The following RPTOR variants were observed in gnomAD, a reference collection of about 807,000 sequenced individuals.
The protein encoded by RPTOR is regulatory associated protein of MTOR complex 1, also known as regulatory-associated protein of mTOR.
RPTOR carries 21 observed loss-of-function variants against 169.9 expected under a neutral mutation model. The observed-to-expected ratio is 0.12, with a 90% CI of 0.09 to 0.18. The LOEUF is 0.18. Ranked by LOEUF, RPTOR falls within the 10% of genes least tolerant of loss-of-function variation. RPTOR has a pLI of 1.00. For synonymous variants in RPTOR, 732 were observed against 753.2 expected (o/e 0.97, Z 0.46); for missense variants, 1,133 against 1,855.9 (o/e 0.61, Z 7.16).
intron 2 of RPTOR, among the ~76,000 whole-genome samples, chr17:80,636,738 C>T (rs543551219): frequency 4.6e-4 from 70 of 152,198 alleles, no homozygotes; most frequent in African/African-American, 1.7e-3. Context: ...GCCCCAGTAC[C>T]GCCACTCCAG....
intron 1 of RPTOR, among the ~76,000 whole-genome samples, chr17:80,604,106 C>G (rs1214976806): frequency 3.9e-5 from 6 of 152,230 alleles, no homozygotes; most frequent in Admixed American, 3.9e-4. Context: ...CTCTCAAACA[C>G]AGACGGGGGA....
intron 3 of RPTOR, among the ~76,000 whole-genome samples, chr17:80,693,525 A>G (rs2066010526): frequency 6.6e-6 from 1 of 152,278 alleles, no homozygotes. Flanking sequence ...ACTGAATAAT[A>G]CATAAAGGAA....
intron 13 of RPTOR, chr17:80,858,151 C>A (rs865853335): frequency 5.8e-6 from 3 of 513,634 alleles, no homozygotes; most frequent in Non-Finnish European, 7.1e-6. Context: ...CCCCCCACAC[C>A]GTCCTGTCCC....
At chr17:80,850,299 G>A (rs2143726482) in intron 11 of RPTOR, among the ~76,000 whole-genome samples, 2 of 152,306 alleles carry the variant, frequency 1.3e-5, no homozygotes. Context: ...TTATACATGA[G>A]AACATGCAAC....
intron 9 of RPTOR, among the ~76,000 whole-genome samples, chr17:80,834,842 C>A (rs932289110): frequency 4.6e-5 from 7 of 152,262 alleles, no homozygotes; most frequent in Admixed American, 6.5e-5. Flanking sequence ...CTGGTCTGCT[C>A]GGCCCACGGC....
chr17:80,908,665 A>G, intron 20 of RPTOR, 146 bp from the exon 21 acceptor site: 2 of 659,186 alleles, frequency 3.0e-6, no homozygotes, highest in South Asian at 3.6e-5. Flanking sequence ...CCGTTGCCAG[A>G]ATAACAAAAT....
intron 1 of RPTOR, 145 bp from the exon 2 acceptor site, chr17:80,625,546 G>C (rs945429308): frequency 3.0e-5 from 19 of 639,318 alleles, no homozygotes; most frequent in South Asian, 1.8e-4. Context: ...GGCTGGGGTA[G>C]CCAGGTGACA....
At chr17:80,667,105 C>T (rs1349770943) in intron 3 of RPTOR, among the ~76,000 whole-genome samples, 1 of 152,284 alleles carries the variant, frequency 6.6e-6, no homozygotes, top group African/African-American at 2.4e-5. Flanking sequence ...CCTTTCCCAG[C>T]GTGCCAGTGC....
chr17:80,663,832 CGT>C (rs988251874), intron 3 of RPTOR, among the ~76,000 whole-genome samples: 8 of 151,780 alleles, frequency 5.3e-5, no homozygotes, highest in Admixed American at 3.3e-4. Flanking sequence ...TGTGCGTGTG[CGT>C]GTGTGCAAGC....
At chr17:80,667,621 C>T (rs143189924) in intron 3 of RPTOR, among the ~76,000 whole-genome samples, 45 of 152,294 alleles carry the variant, frequency 3.0e-4, no homozygotes, top group Admixed American at 7.8e-4. Flanking sequence ...CCCTTCGCAC[C>T]CATGACCTTT....
At chr17:80,881,886 T>C (rs140515374) in intron 14 of RPTOR, among the ~76,000 whole-genome samples, 39 of 152,382 alleles carry the variant, frequency 2.6e-4, no homozygotes, top group African/African-American at 9.1e-4. Flanking sequence ...GCTATGATTC[T>C]GTCAAACCAT....
intron 27 of RPTOR, chr17:80,948,755 T>C (rs8082382): frequency 0.52 from 78,876 of 152,080 alleles, 21,613 homozygotes; most frequent in African/African-American, 0.71. Flanking sequence ...GGCCAGGGGG[T>C]GCGGATGTGG....
intron 3 of RPTOR, among the ~76,000 whole-genome samples, chr17:80,668,186 G>A (rs989504963): frequency 2.6e-5 from 4 of 152,172 alleles, no homozygotes; most frequent in African/African-American, 9.7e-5. Context: ...GCCTCCACTA[G>A]ACAAAGTTTA....
At chr17:80,916,907 G>A (rs1005742703) in intron 21 of RPTOR, among the ~76,000 whole-genome samples, 2 of 152,046 alleles carry the variant, frequency 1.3e-5, no homozygotes, top group African/African-American at 2.4e-5. Flanking sequence ...AGAATTGCTC[G>A]AACCCAGGAG....
intron 21 of RPTOR, among the ~76,000 whole-genome samples, chr17:80,911,067 G>A (rs899699756): frequency 3.3e-5 from 5 of 152,164 alleles, no homozygotes; most frequent in African/African-American, 4.8e-5. Flanking sequence ...TCTTGACCTC[G>A]TGATCCGCCT....
At chr17:80,910,550 G>A (rs1309377413) in intron 21 of RPTOR, among the ~76,000 whole-genome samples, 1 of 152,176 alleles carries the variant, frequency 6.6e-6, no homozygotes, top group Non-Finnish European at 1.5e-5. Context: ...CACGGCTATG[G>A]CGTTGCCTCG....
chr17:80,790,630 TCTC>T (rs2067038108), intron 6 of RPTOR, among the ~76,000 whole-genome samples: 1 of 152,140 alleles, frequency 6.6e-6, no homozygotes, highest in African/African-American at 2.4e-5. Context: ...CCACTGTCCT[TCTC>T]CATCACTCAC....
rs917410169 is a variant in RPTOR, at chr17:80,726,205, G to A, written c.508-4355G>A. On this transcript the variant is annotated intron_variant, in intron 4 of 33. Transcript: ENST00000306801. This position sits in a 1 kb window ranked among gnomAD's most constrained non-coding sequence, Gnocchi z 4.5. Reference sequence around the variant, plus strand: ...GGCGCAGCATCCCAGTGGCTGTTACGGGGTGAAAGCCCCTCTTAGAATTTA... The same window carrying A: ...GGCGCAGCATCCCAGTGGCTGTTACAGGGTGAAAGCCCCTCTTAGAATTTA... Among the ~76,000 whole-genome samples the A allele has an allele frequency of 1.2e-4, 18 of 152,176 alleles. 1 individual carries two copies. The highest frequency in any genetic ancestry group is 3.9e-4 in the Admixed American group (6 of 15,280).
In RPTOR at chr17:80,964,363, C is replaced by A; in HGVS notation, c.*33C>A. On this transcript the variant is annotated 3_prime_UTR_variant, in exon 34 of 34. Transcript: ENST00000306801. ...ACCCGGGCCCACCAGGCCACGGCCG[C>A]CTGCTGTACATAGTGAAGCTGTCAC... The A allele has an allele frequency of 2.5e-6, 4 of 1,598,848 alleles. No homozygotes were observed. The highest frequency in any genetic ancestry group is 1.7e-4 in the Middle Eastern group (1 of 6,048).
Sources: allele counts gnomAD v4.1 joint callset (sites outside exome capture counted in the v4.1 genomes callset), GRCh38; gene constraint gnomAD v4.1.1; non-coding constraint Gnocchi (gnomAD v3.1); transcripts MANE v1.5; gene names NCBI Gene and HGNC (gene_info 2026-07-23, HGNC 2026-07-21).